The following KCNMA1 variants were observed in gnomAD, a reference collection of about 807,000 sequenced individuals.
KCNMA1 encodes the protein Calcium-activated potassium channel subunit alpha-1.
Under a neutral mutation model 140.0 loss-of-function variants are expected in KCNMA1, and 29 were observed. That is an observed-to-expected ratio of 0.21 (90% CI 0.15 to 0.28). The LOEUF (loss-of-function observed/expected upper bound fraction) is 0.28. Among genes scored for constraint, KCNMA1 ranks in the 10% least tolerant of loss-of-function variants. The probability of loss-of-function intolerance (pLI) is 1.00; values close to 1 mark genes in which losing one functional copy is unlikely to be tolerated. For missense variants in KCNMA1, 880 were observed against 1,602.2 expected, an observed-to-expected ratio of 0.55 and a Z score of 7.70; for synonymous variants, 612 against 611.9, an observed-to-expected ratio of 1.00 and a Z score of 0.00.
At chr10:77,357,222 T>G (rs1171329623) in intron 2 of KCNMA1, among the ~76,000 whole-genome samples, 1 of 152,174 alleles carries the variant, frequency 6.6e-6, no homozygotes, top group African/African-American at 2.4e-5. Flanking sequence ...CCATCCCCAT[T>G]TTTTTGGTTC....
At chr10:77,007,613 T>C (rs545188133) in intron 18 of KCNMA1, among the ~76,000 whole-genome samples, 3 of 144,968 alleles carry the variant, frequency 2.1e-5, no homozygotes, top group East Asian at 4.0e-4. Context: ...TATAAGAATG[T>C]ACATATACTC....
At chr10:77,146,552 A>G (rs2098295665) in intron 5 of KCNMA1, among the ~76,000 whole-genome samples, 1 of 151,980 alleles carries the variant, frequency 6.6e-6, no homozygotes, top group Non-Finnish European at 1.5e-5. Context: ...AAATACAAAA[A>G]TTAGCCAGGC....
intron 23 of KCNMA1, among the ~76,000 whole-genome samples, chr10:76,942,803 G>T (rs2062899920): frequency 6.6e-6 from 1 of 152,160 alleles, no homozygotes; most frequent in African/African-American, 2.4e-5. Flanking sequence ...GCTTCTGTCT[G>T]TACTTAAAGG....
chr10:77,370,791 C>G, intron 2 of KCNMA1, among the ~76,000 whole-genome samples: 1 of 152,182 alleles, frequency 6.6e-6, no homozygotes, highest in Non-Finnish European at 1.5e-5. Context: ...AAGTCTCATT[C>G]CAATCCCAGC....
intron 5 of KCNMA1, among the ~76,000 whole-genome samples, chr10:77,159,081 T>C (rs2098525145): frequency 6.6e-6 from 1 of 152,226 alleles, no homozygotes; most frequent in South Asian, 2.1e-4. Context: ...GTACATAAAT[T>C]ACACTGTGTG....
At chr10:77,044,019 T>C (rs965866269) in intron 14 of KCNMA1, among the ~76,000 whole-genome samples, 1 of 152,124 alleles carries the variant, frequency 6.6e-6, no homozygotes, top group Non-Finnish European at 1.5e-5. Context: ...ATTAAAAAGA[T>C]TTTTAAAACC....
chr10:77,169,922 T>C (rs1298704159), intron 5 of KCNMA1, among the ~76,000 whole-genome samples: 1 of 152,206 alleles, frequency 6.6e-6, no homozygotes, highest in Non-Finnish European at 1.5e-5. Context: ...CCAGGCACAG[T>C]GGCTCACACC....
At chr10:77,484,124 A>G (rs570164944) in intron 1 of KCNMA1, among the ~76,000 whole-genome samples, 11 of 152,296 alleles carry the variant, frequency 7.2e-5, no homozygotes, top group Admixed American at 3.3e-4. Context: ...CTCATTTACT[A>G]TTTGGGCAGA....
intron 1 of KCNMA1, among the ~76,000 whole-genome samples, chr10:77,430,167 C>T (rs1009043363): frequency 4.6e-5 from 7 of 152,206 alleles, no homozygotes; most frequent in Admixed American, 2.6e-4. Context: ...AGAAGGTCAC[C>T]TATCTCCCCA....
chr10:77,010,890 T>C (rs1219388456), intron 18 of KCNMA1, among the ~76,000 whole-genome samples: 1 of 151,946 alleles, frequency 6.6e-6, no homozygotes, highest in East Asian at 1.9e-4. Flanking sequence ...CACATTGCCT[T>C]TCCCTTCTGC....
chr10:77,256,028 G>A (rs1271293496), intron 2 of KCNMA1, among the ~76,000 whole-genome samples: 1 of 152,058 alleles, frequency 6.6e-6, no homozygotes, highest in Non-Finnish European at 1.5e-5. Context: ...AAATCCCGGT[G>A]GACCATGAAG....
chr10:76,968,715 G>A (rs2074930935), intron 20 of KCNMA1, among the ~76,000 whole-genome samples: 1 of 152,194 alleles, frequency 6.6e-6, no homozygotes, highest in Admixed American at 6.5e-5. Context: ...CCAAACCCAA[G>A]GAAGGCTGGG....
rs188935584 is a variant in KCNMA1 at position 76,918,905 on chromosome 10, T to C, written c.2903-3856A>G. On this transcript the variant is annotated intron_variant, in intron 23 of 27. Coordinates refer to ENST00000286628, the MANE Select transcript of KCNMA1 (RefSeq NM_001161352.2). ...ATATATATATATATACACACACACA[T>C]ATATATATCACATCACACACACACA... Among the ~76,000 whole-genome samples the C allele has an allele frequency of 6.9e-4, 97 of 140,982 alleles. 1 individual carries two copies. In the East Asian group the frequency reaches 0.016, roughly 23 times the overall value. 92.5% of individuals were successfully genotyped at this position (140,982 alleles called of 152,430 possible). A position where few individuals can be genotyped will look rare whatever the true frequency, so the allele number is the denominator to read the frequency against.
chr10:77,426,340 G>C (rs1053971026), intron 1 of KCNMA1, among the ~76,000 whole-genome samples: 1 of 152,078 alleles, frequency 6.6e-6, no homozygotes, highest in Admixed American at 6.5e-5. Flanking sequence ...TATGATGACT[G>C]TCTACTGGGT....
chr10:77,084,211 G>A (rs1410358243), intron 12 of KCNMA1, among the ~76,000 whole-genome samples: 1 of 152,126 alleles, frequency 6.6e-6, no homozygotes, highest in African/African-American at 2.4e-5. Context: ...CAGCAGCACG[G>A]TCCCCTAGTT....
chr10:77,469,753 A>G (rs2098112609), intron 1 of KCNMA1, among the ~76,000 whole-genome samples: 1 of 152,220 alleles, frequency 6.6e-6, no homozygotes. Context: ...AAGGTCATTT[A>G]GAACCCAGAA....
chr10:77,095,522 T>C (rs1285071702), intron 9 of KCNMA1, among the ~76,000 whole-genome samples: 1 of 152,072 alleles, frequency 6.6e-6, no homozygotes, highest in Non-Finnish European at 1.5e-5. Context: ...CTGGTTTAAC[T>C]GAAAAGGGCA....
intron 1 of KCNMA1, among the ~76,000 whole-genome samples, chr10:77,552,066 C>T (rs1277108347): frequency 1.3e-5 from 2 of 152,130 alleles, no homozygotes; most frequent in Non-Finnish European, 2.9e-5. Flanking sequence ...CTGCAATTTC[C>T]AGGCATTTCT....
intron 5 of KCNMA1, chr10:77,147,858 AG>A (rs1187954505): frequency 1.3e-5 from 2 of 152,170 alleles, no homozygotes; most frequent in Non-Finnish European, 2.9e-5. Flanking sequence ...GACTACAGGG[AG>A]GACCTGAATC....
Sources: allele counts gnomAD v4.1 joint callset (sites outside exome capture counted in the v4.1 genomes callset), GRCh38; gene constraint gnomAD v4.1.1; transcripts MANE v1.5; gene names NCBI Gene and HGNC (gene_info 2026-07-23, HGNC 2026-07-21).